The following TNNI3K variants were observed in gnomAD, a reference collection of about 807,000 sequenced individuals.
TNNI3K encodes TNNI3 interacting kinase, also known as serine/threonine-protein kinase TNNI3K.
A neutral mutation model predicts 114.5 loss-of-function variants in TNNI3K; 140 were observed. The observed-to-expected ratio is 1.22, with a 90% CI of 1.07 to 1.41. The LOEUF is 1.41. Ranked by LOEUF, TNNI3K falls within the 40% of genes most tolerant of loss-of-function variation. The probability of loss-of-function intolerance (pLI) is 0.00; values close to 1 mark genes in which losing one functional copy is unlikely to be tolerated. For missense variants in TNNI3K, 1,125 were observed against 1,007.6 expected (o/e 1.12, Z -1.58); for synonymous variants, 347 against 347.5 (o/e 1.00, Z 0.02).
chr1:74,342,066 C>T (rs1660772499), intron 7 of TNNI3K: 1 of 152,122 alleles, frequency 6.6e-6, no homozygotes, highest in African/African-American at 2.4e-5. Context: ...TCACCCTCTG[C>T]TATTTCTGTT....
At chr1:74,533,439 T>C (rs894901458) in intron 23 of TNNI3K, among the ~76,000 whole-genome samples, 3 of 152,078 alleles carry the variant, frequency 2.0e-5, no homozygotes, top group Admixed American at 6.5e-5. Flanking sequence ...TGTGGAGAAA[T>C]AGGAACACTT....
At chr1:74,475,659 TCCC>T in intron 21 of TNNI3K, 3 of 716,326 alleles carry the variant, frequency 4.2e-6, no homozygotes, top group Non-Finnish European at 5.2e-6. Context: ...AGTTGCAGTA[TCCC>T]TTAGTGTGGT....
intron 17 of TNNI3K, among the ~76,000 whole-genome samples, chr1:74,394,504 G>A (rs941683506): frequency 7.9e-5 from 12 of 152,114 alleles, no homozygotes; most frequent in Non-Finnish European, 1.8e-4. Context: ...GGATATACTA[G>A]GCCCCTGCTG....
intron 17 of TNNI3K, among the ~76,000 whole-genome samples, chr1:74,391,996 C>G (rs914970838): frequency 1.8e-4 from 19 of 108,028 alleles, no homozygotes; most frequent in East Asian, 2.4e-4. Flanking sequence ...GACGGAGTCT[C>G]GCTCTGTCGC....
intron 5 of TNNI3K, among the ~76,000 whole-genome samples, chr1:74,327,453 G>T (rs751379751): frequency 1.6e-4 from 23 of 145,994 alleles, no homozygotes; most frequent in Non-Finnish European, 3.0e-4. Flanking sequence ...CTGCTACTGA[G>T]ATATATATAT....
chr1:74,326,481 G>T (rs1024746189), intron 5 of TNNI3K, among the ~76,000 whole-genome samples: 1 of 152,168 alleles, frequency 6.6e-6, no homozygotes, highest in Non-Finnish European at 1.5e-5. Context: ...GAATTTCTGA[G>T]ATTTTAAATA....
chr1:74,348,610 T>C (rs1451794179), intron 9 of TNNI3K, among the ~76,000 whole-genome samples: 1 of 152,230 alleles, frequency 6.6e-6, no homozygotes, highest in African/African-American at 2.4e-5. Flanking sequence ...TTTCACGACA[T>C]TGATTCTTCC....
At chr1:74,480,010 G>A (rs1162260567) in intron 21 of TNNI3K, 1 of 603,038 alleles carries the variant, frequency 1.7e-6, no homozygotes, top group East Asian at 2.7e-5. Context: ...TGCCAAATCA[G>A]CTAATATCCT....
chr1:74,322,730 G>A (rs1371429033), intron 5 of TNNI3K, among the ~76,000 whole-genome samples: 1 of 152,068 alleles, frequency 6.6e-6, no homozygotes, highest in East Asian at 1.9e-4. Context: ...CAAAGTGCTA[G>A]GATCACAGGC....
chr1:74,502,335 C>T (rs1265651347), intron 23 of TNNI3K, among the ~76,000 whole-genome samples: 1 of 152,144 alleles, frequency 6.6e-6, no homozygotes, highest in African/African-American at 2.4e-5. Flanking sequence ...ATAATGACTT[C>T]CCACAAACAT....
At chr1:74,493,910 T>C (rs1380078378) in intron 23 of TNNI3K, among the ~76,000 whole-genome samples, 1 of 152,160 alleles carries the variant, frequency 6.6e-6, no homozygotes, top group Non-Finnish European at 1.5e-5. Context: ...ACTTGATTTT[T>C]AGTGGGAAGA....
intron 21 of TNNI3K, chr1:74,464,669 C>T (rs1350335861): frequency 1.9e-6 from 3 of 1,596,650 alleles, no homozygotes; most frequent in Non-Finnish European, 2.6e-6. Flanking sequence ...CCAGTCTCAT[C>T]TGTGTACACA....
chr1:74,451,667 C>A (rs528334886), intron 20 of TNNI3K, among the ~76,000 whole-genome samples: 30 of 45,288 alleles, frequency 6.6e-4, no homozygotes, highest in African/African-American at 2.1e-3. Context: ...TTTTTCTTTT[C>A]TTTTCTTTTC....
At chr1:74,445,070 C>A (rs1159739858) in intron 20 of TNNI3K, among the ~76,000 whole-genome samples, 4 of 152,072 alleles carry the variant, frequency 2.6e-5, no homozygotes, top group Non-Finnish European at 5.9e-5. Flanking sequence ...AAACCCAAAA[C>A]CATAAAAACC....
chr1:74,283,595 G>A (rs1478020313), intron 5 of TNNI3K, among the ~76,000 whole-genome samples: 1 of 152,064 alleles, frequency 6.6e-6, no homozygotes, highest in African/African-American at 2.4e-5. Context: ...TTGCTGCCCT[G>A]GAAAATGATG....
At chr1:74,443,130 A>G (rs1666452822) in intron 20 of TNNI3K, among the ~76,000 whole-genome samples, 1 of 152,148 alleles carries the variant, frequency 6.6e-6, no homozygotes, top group African/African-American at 2.4e-5. Flanking sequence ...AACAACCACC[A>G]AAGCTAGCAG....
intron 17 of TNNI3K, chr1:74,371,168 A>G (rs1662578188): frequency 6.6e-6 from 1 of 151,888 alleles, no homozygotes; most frequent in South Asian, 2.1e-4. Flanking sequence ...ATGATAGTCA[A>G]TAAGATTCAA....
chr1:74,241,334 A>G (rs2100829698), intron 2 of TNNI3K, among the ~76,000 whole-genome samples: 1 of 152,346 alleles, frequency 6.6e-6, no homozygotes, highest in African/African-American at 2.4e-5. Context: ...TTCTAGTTCT[A>G]GATCCCTGAG....
At chr1:74,376,549 A>C (rs1327591930) in intron 17 of TNNI3K, 2 of 152,068 alleles carry the variant, frequency 1.3e-5, no homozygotes, top group African/African-American at 2.4e-5. Context: ...GAAATCCTTG[A>C]CAACCCTGTA....
Sources: gnomAD v4.1 joint callset for allele counts (sites outside exome capture counted in the v4.1 genomes callset) on GRCh38, gnomAD v4.1.1 for gene constraint, MANE v1.5 for transcripts, NCBI Gene and HGNC (gene_info 2026-07-23, HGNC 2026-07-21) for gene names.